The following IFNG-AS1 variants were observed in gnomAD, a reference collection of about 807,000 sequenced individuals.
IFNG-AS1 encodes the protein IFNG regulatory antisense RNA 1.
intron 1 of IFNG-AS1, among the ~76,000 whole-genome samples, chr12:67,992,052 C>G (rs1445889246): frequency 1.3e-5 from 2 of 152,174 alleles, no homozygotes; most frequent in Non-Finnish European, 2.9e-5. Context: ...TCCTCTCTCT[C>G]TCTTTCTCTT....
chr12:68,019,747 C>A (rs1186895239), intron 3 of IFNG-AS1: 1 of 152,168 alleles, frequency 6.6e-6, no homozygotes, highest in Non-Finnish European at 1.5e-5. Flanking sequence ...GTGGACTGAA[C>A]AAATTGGGGT....
chr12:68,016,475 G>A (rs886814656), intron 3 of IFNG-AS1, among the ~76,000 whole-genome samples: 5 of 152,076 alleles, frequency 3.3e-5, no homozygotes, highest in South Asian at 4.2e-4. Flanking sequence ...TCCTGGTGTC[G>A]CTATGTTCGA....
At chr12:67,996,506 G>A (rs1879645361) in intron 2 of IFNG-AS1, among the ~76,000 whole-genome samples, 2 of 152,106 alleles carry the variant, frequency 1.3e-5, no homozygotes, top group Non-Finnish European at 2.9e-5. Flanking sequence ...AGTACAATGA[G>A]TTCACACCCT....
intron 3 of IFNG-AS1, among the ~76,000 whole-genome samples, chr12:68,015,452 C>A (rs772328917): frequency 1.3e-5 from 2 of 152,086 alleles, no homozygotes; most frequent in Non-Finnish European, 1.5e-5. Flanking sequence ...AGCAAGCAAT[C>A]CCACCCCTCT....
At chr12:68,015,141 G>GT (rs1880119060) in intron 3 of IFNG-AS1, among the ~76,000 whole-genome samples, 1 of 152,110 alleles carries the variant, frequency 6.6e-6, no homozygotes, top group African/African-American at 2.4e-5. Flanking sequence ...CAAAAACACC[G>GT]TAAGACCTCA....
chr12:68,011,741 G>A (rs1880033224), intron 3 of IFNG-AS1, among the ~76,000 whole-genome samples: 1 of 152,196 alleles, frequency 6.6e-6, no homozygotes, highest in Non-Finnish European at 1.5e-5. Flanking sequence ...CAGCCAAAGT[G>A]AGAGGATCAG....
rs566827815 is a variant in IFNG-AS1, at chr12:68,011,820, C to A, written n.241+5674C>A. 4.4e-4 allele frequency among the ~76,000 whole-genome samples: 67 copies of A among 152,240 alleles called. 1 individual carries two copies. Among genetic ancestry groups the A allele is most frequent in the Middle Eastern group, 3.4e-3 (1 of 294 alleles). The stretch of plus-strand genomic sequence containing the variant: ...CAACCTTACGGGAGCCAAAAGTCAC[C>A]CCTGCTCAGCCTACAAGGCAAGAGG... On this transcript the variant is annotated intron_variant and non_coding_transcript_variant, in intron 3 of 5. Transcript: ENST00000536914.
chr12:68,016,736 G>T (rs747110428), intron 3 of IFNG-AS1, among the ~76,000 whole-genome samples: 2 of 152,248 alleles, frequency 1.3e-5, no homozygotes, highest in African/African-American at 2.4e-5. Flanking sequence ...TCACTTAAAT[G>T]ATTCCACCAT....
intron 3 of IFNG-AS1, among the ~76,000 whole-genome samples, chr12:68,008,599 G>A (rs2079583): frequency 0.37 from 56,241 of 151,876 alleles, 11,428 homozygotes; most frequent in Middle Eastern, 0.49. Flanking sequence ...TTTCTTGTTC[G>A]TAGGATGGCT....
chr12:68,013,206 T>G (rs1202941625), intron 3 of IFNG-AS1, among the ~76,000 whole-genome samples: 2 of 152,240 alleles, frequency 1.3e-5, no homozygotes, highest in East Asian at 3.8e-4. Context: ...AACATTTCTG[T>G]GCAATTTAGA....
chr12:67,990,723 G>C (rs1201544579), intron 1 of IFNG-AS1, among the ~76,000 whole-genome samples: 1 of 151,890 alleles, frequency 6.6e-6, no homozygotes, highest in African/African-American at 2.4e-5. Context: ...CCTCCCAATG[G>C]CTGGGATTAC....
intron 2 of IFNG-AS1, among the ~76,000 whole-genome samples, chr12:68,005,798 A>G (rs887780248): frequency 5.3e-5 from 8 of 152,254 alleles, no homozygotes; most frequent in Non-Finnish European, 8.8e-5. Context: ...CAGAAATAGT[A>G]GAATACACAG....
At chr12:68,006,545 G>C (rs564873926) in intron 3 of IFNG-AS1, among the ~76,000 whole-genome samples, 3 of 152,162 alleles carry the variant, frequency 2.0e-5, no homozygotes, top group Admixed American at 6.5e-5. Flanking sequence ...ATCTCTGCCC[G>C]GGTGTTTCAT....
intron 3 of IFNG-AS1, among the ~76,000 whole-genome samples, chr12:68,015,098 C>T (rs913255069): frequency 6.6e-5 from 10 of 152,038 alleles, no homozygotes; most frequent in Non-Finnish European, 1.3e-4. Flanking sequence ...AGAAAAAGCA[C>T]CTGGAGAAGA....
intron 3 of IFNG-AS1, among the ~76,000 whole-genome samples, chr12:68,015,401 A>G (rs1441342564): frequency 6.6e-6 from 1 of 152,180 alleles, no homozygotes; most frequent in African/African-American, 2.4e-5. Flanking sequence ...ATCCCAGGAC[A>G]CTTGCTGATC....
chr12:68,001,938 G>A (rs1251379856), intron 2 of IFNG-AS1, among the ~76,000 whole-genome samples: 1 of 152,134 alleles, frequency 6.6e-6, no homozygotes, highest in Non-Finnish European at 1.5e-5. Context: ...AAAAGGTTAG[G>A]ATGGAAAAGC....
At chr12:67,997,532 T>A (rs553794358) in intron 2 of IFNG-AS1, among the ~76,000 whole-genome samples, 85 of 150,962 alleles carry the variant, frequency 5.6e-4, no homozygotes, top group East Asian at 2.3e-3. Flanking sequence ...TAAAAAAAAA[T>A]TTTTTTTTAA....
intron 4 of IFNG-AS1, chr12:68,020,839 G>A (rs933871341): frequency 2.6e-5 from 4 of 152,178 alleles, no homozygotes; most frequent in African/African-American, 9.7e-5. Context: ...AAAGGGACAA[G>A]TAACTGCACT....
At position 68,019,040 on chromosome 12, in the gene IFNG-AS1, C is replaced by T. The variant is rs529329657; in HGVS notation, n.242-822C>T. On this transcript the variant is annotated intron_variant and non_coding_transcript_variant, in intron 3 of 5. Transcript: ENST00000536914. ...GGAGGTACTCATCATACATTTTAAA[C>T]TAAAATAATTTGATTAAGCGTTTGG... 2.7e-4 allele frequency among the ~76,000 whole-genome samples: 41 copies of T among 152,150 alleles called. No homozygotes were observed. In the South Asian group the frequency reaches 4.6e-3, roughly 17 times the overall value.
Sources: allele counts gnomAD v4.1 joint callset (sites outside exome capture counted in the v4.1 genomes callset), GRCh38; gene constraint gnomAD v4.1.1; transcripts MANE v1.5; gene names NCBI Gene and HGNC (gene_info 2026-07-23, HGNC 2026-07-21).